THADA: variants seen among roughly 807,000 people sequenced by gnomAD.
The protein encoded by THADA is THADA armadillo repeat containing, also known as tRNA (32-2'-O)-methyltransferase regulator THADA.
In THADA, 213 loss-of-function variants were observed where a neutral mutation model predicts 219.8. The observed-to-expected ratio is 0.97, with a 90% confidence interval of 0.87 to 1.09. THADA has a LOEUF of 1.09. Ranked by LOEUF, THADA falls within the 50% of genes least tolerant of loss-of-function variation. The pLI is 0.00. For synonymous variants in THADA, 1,018 were observed against 828.9 expected (o/e 1.23, Z -3.92); for missense variants, 2,956 against 2,311.3 (o/e 1.28, Z -5.72).
intron 36 of THADA, among the ~76,000 whole-genome samples, chr2:43,258,391 G>A (rs960043960): frequency 2.0e-5 from 3 of 151,856 alleles, no homozygotes; most frequent in Admixed American, 6.6e-5. Context: ...GTGTGGTGGT[G>A]GGTCCCTGTA....
intron 29 of THADA, among the ~76,000 whole-genome samples, chr2:43,384,589 T>C (rs755644090): frequency 6.6e-6 from 1 of 152,250 alleles, no homozygotes; most frequent in Non-Finnish European, 1.5e-5. Context: ...ATCTCTGTTC[T>C]CTATATGCAC....
intron 26 of THADA, among the ~76,000 whole-genome samples, chr2:43,466,953 C>T (rs1463516083): frequency 1.3e-5 from 2 of 150,848 alleles, no homozygotes; most frequent in Non-Finnish European, 3.0e-5. Context: ...GAGGCCGAGG[C>T]GGGCGGATCA....
intron 17 of THADA, among the ~76,000 whole-genome samples, chr2:43,555,381 TTATA>T (rs1697224565): frequency 1.3e-5 from 2 of 150,278 alleles, no homozygotes; most frequent in African/African-American, 5.0e-5. Flanking sequence ...TACATATTAT[TTATA>T]TATATTACAT....
Position 43,581,819 on chromosome 2 carries a change from G to C in THADA, c.643C>G (p.Leu215Val). ...VQKVQDFQGNLWKTSDSPIWQ... is the reference protein window; with the variant it reads ...VQKVQDFQGNVWKTSDSPIWQ... Reference sequence around the variant, plus strand: ...ATGGGAGAATCGGAAGTCTTCCAAAGATTTCCCTGGAAATCTTGTACTTTC... The same window carrying C: ...ATGGGAGAATCGGAAGTCTTCCAAACATTTCCCTGGAAATCTTGTACTTTC... The change falls in exon 8 of 38, where the codon CTT becomes GTT. Residue 215 changes from leucine to valine, a missense_variant. Transcript: ENST00000405975. The C allele has an allele frequency of 1.2e-6, 2 of 1,612,802 alleles. No individual in the cohort carries two copies. The highest frequency in any genetic ancestry group is 1.1e-5 in the South Asian group (1 of 90,844).
chr2:43,587,113 C>T, intron 4 of THADA, 111 bp from the exon 5 acceptor site: 1 of 1,166,402 alleles, frequency 8.6e-7, no homozygotes, highest in East Asian at 2.6e-5. Context: ...CTTCAAAATA[C>T]AGCCAGAAAA....
chr2:43,578,366 C>T (rs1482913382), intron 9 of THADA, 147 bp downstream of exon 9: 1 of 457,516 alleles, frequency 2.2e-6, no homozygotes, highest in Non-Finnish European at 4.0e-6. Context: ...AGGCTAATCT[C>T]AAACTCCTGG....
At position 43,238,901 on chromosome 2, in the gene THADA, G is replaced by A. The variant is rs1232560148; in HGVS notation, c.5297-6019C>T. 3.7e-5 allele frequency among the ~76,000 whole-genome samples: 5 copies of A among 136,818 alleles called. No individual in the cohort carries two copies. In the East Asian group the frequency reaches 7.7e-4, roughly 21 times the overall value. 89.8% of individuals were successfully genotyped at this position (136,818 alleles called of 152,430 possible). A position where few individuals can be genotyped will look rare whatever the true frequency, so the allele number is the denominator to read the frequency against. On this transcript the variant is annotated intron_variant, in intron 36 of 37. Transcript: ENST00000405975. Reference sequence around the variant, plus strand: ...CATGCCAAGAGCTGTGGGAGCTGGGGGTTGGTGGGAGGAAGACGTCAATGT... The same window carrying A: ...CATGCCAAGAGCTGTGGGAGCTGGGAGTTGGTGGGAGGAAGACGTCAATGT...
At chr2:43,514,815 TA>T (rs1276073788) in intron 22 of THADA, among the ~76,000 whole-genome samples, 2 of 93,016 alleles carry the variant, frequency 2.2e-5, no homozygotes, top group Non-Finnish European at 3.7e-5. Flanking sequence ...ATTTTATATA[TA>T]ATAATATGTA....
chr2:43,508,777 G>C lies in THADA; in HGVS notation c.3378C>G (p.Cys1126Trp). The C allele has an allele frequency of 6.2e-7, 1 of 1,612,926 alleles. No individual in the cohort carries two copies. Among genetic ancestry groups the C allele is most frequent in the Non-Finnish European group, 8.5e-7 (1 of 1,179,414 alleles). ...FVKLTEVLNRCPNVSLQKLPE... is the reference protein window; with the variant it reads ...FVKLTEVLNRWPNVSLQKLPE... Reference sequence around the variant, plus strand: ...GCAGCTTTTGCAGACTCACATTTGGGCACCTAAAAGGCATATATAATCAAA... The same window carrying C: ...GCAGCTTTTGCAGACTCACATTTGGCCACCTAAAAGGCATATATAATCAAA... The change falls in exon 23 of 38, where the codon TGC (cysteine) becomes TGG (tryptophan). Residue 1126 changes from cysteine to tryptophan, a missense_variant. Coordinates refer to ENST00000405975, the MANE Select transcript of THADA (RefSeq NM_022065.5).
chr2:43,359,839 G>A (rs556432976), intron 29 of THADA, among the ~76,000 whole-genome samples: 3 of 151,292 alleles, frequency 2.0e-5, no homozygotes, highest in Admixed American at 2.0e-4. Flanking sequence ...GCCCAGGCTG[G>A]ACTCAAACTC....
At chr2:43,374,629 C>A (rs1404476861) in intron 29 of THADA, among the ~76,000 whole-genome samples, 1 of 152,060 alleles carries the variant, frequency 6.6e-6, no homozygotes. Context: ...TACGAAGGAA[C>A]CTTTAAAATG....
chr2:43,515,124 ATT>A (rs1491201181), intron 22 of THADA, among the ~76,000 whole-genome samples: 2 of 18,566 alleles, frequency 1.1e-4, no homozygotes, highest in Non-Finnish European at 1.7e-4. Flanking sequence ...TATATAATAT[ATT>A]TTATATATAA....
chr2:43,261,216 CTTTTTTTTT>C (rs1181680289), intron 36 of THADA, among the ~76,000 whole-genome samples: 7 of 77,158 alleles, frequency 9.1e-5, no homozygotes, highest in Non-Finnish European at 1.2e-4. Flanking sequence ...TTGTGCATTT[CTTTTTTTTT>C]TTTTTTTTTT....
chr2:43,353,273 G>A (rs1159111719), intron 29 of THADA, among the ~76,000 whole-genome samples: 3 of 152,150 alleles, frequency 2.0e-5, no homozygotes, highest in Admixed American at 2.0e-4. Context: ...CATCATGGAG[G>A]CATCAATCTG....
chr2:43,293,101 C>T lies in THADA; in HGVS notation c.4551G>A (p.Gln1517=). 6.2e-7 allele frequency: 1 copy of T among 1,613,990 alleles called. No homozygotes were observed. Among genetic ancestry groups the T allele is most frequent in the South Asian group, 1.1e-5 (1 of 91,082 alleles). ...FKVPGLPQYL[Q]SLTRLAIAAV... is the part of the protein sequence containing the mutation. ...CAGCAATGGCTAGTCTGGTGAGGCT[C>T]TGGAGGTACTGGGGCAGGCCTGGCA... The change falls in exon 32 of 38, where the codon CAG becomes CAA. Residue 1517 remains glutamine (Q), a synonymous_variant. Coordinates refer to ENST00000405975, the MANE Select transcript of THADA (RefSeq NM_022065.5).
chr2:43,576,179 T>G (rs1574333311), intron 10 of THADA, among the ~76,000 whole-genome samples: 1 of 152,230 alleles, frequency 6.6e-6, no homozygotes, highest in East Asian at 1.9e-4. Flanking sequence ...ACTAATAAAC[T>G]GAATTGTACA....
At position 43,586,852 on chromosome 2, in the gene THADA, A is replaced by C. The variant is rs1306312113; in HGVS notation, c.451+2T>G. 2.5e-6 allele frequency: 4 copies of C among 1,613,704 alleles called. No homozygotes were observed. Among genetic ancestry groups the C allele is most frequent in the Non-Finnish European group, 3.4e-6 (4 of 1,179,754 alleles). On this transcript the variant is annotated splice_donor_variant, in intron 5 of 37. Coordinates refer to ENST00000405975, the MANE Select transcript of THADA (RefSeq NM_022065.5). LOFTEE classifies it high-confidence loss of function. ...AAAAGGACTAGAAAAGTGCAGCCTT[A>C]CCCAAGTTAAAGTTCTCCATACAGG...
chr2:43,410,042 G>C (rs1378988830), intron 28 of THADA, among the ~76,000 whole-genome samples: 1 of 151,436 alleles, frequency 6.6e-6, no homozygotes, highest in Non-Finnish European at 1.5e-5. Flanking sequence ...AAATAAGAGA[G>C]AGAAGAAAAG....
At chr2:43,396,575 C>T (rs1377421049) in intron 29 of THADA, among the ~76,000 whole-genome samples, 1 of 151,980 alleles carries the variant, frequency 6.6e-6, no homozygotes, top group South Asian at 2.1e-4. Flanking sequence ...CTGAGGTGGG[C>T]GGATCACTTG....
Sources: allele counts gnomAD v4.1 joint callset (sites outside exome capture counted in the v4.1 genomes callset), GRCh38; gene constraint gnomAD v4.1.1; transcripts MANE v1.5; gene names NCBI Gene and HGNC (gene_info 2026-07-23, HGNC 2026-07-21).